The following PDE2A variants were observed in gnomAD, a reference collection of about 807,000 sequenced individuals.
The protein encoded by PDE2A is phosphodiesterase 2A.
A neutral mutation model predicts 133.6 loss-of-function variants in PDE2A; 53 were observed. The observed-to-expected ratio is 0.40, with a 90% CI of 0.32 to 0.50. The LOEUF is 0.50. Ranked by LOEUF, PDE2A falls within the 20% of genes least tolerant of loss-of-function variation. PDE2A has a pLI of 0.73. For missense variants in PDE2A, 796 were observed against 1,232.4 expected, an observed-to-expected ratio of 0.65 and a Z score of 5.30; for synonymous variants, 491 against 490.2, an observed-to-expected ratio of 1.00 and a Z score of -0.02.
At chr11:72,648,511 G>A (rs1859189478) in intron 1 of PDE2A, among the ~76,000 whole-genome samples, 1 of 152,124 alleles carries the variant, frequency 6.6e-6, no homozygotes, top group African/African-American at 2.4e-5. Flanking sequence ...CAGGCCCAGG[G>A]GATGGGGGCT....
intron 4 of PDE2A, among the ~76,000 whole-genome samples, chr11:72,598,313 AC>A (rs1856579378): frequency 1.3e-5 from 2 of 152,172 alleles, no homozygotes; most frequent in Admixed American, 1.3e-4. Flanking sequence ...CTATGCTGGA[AC>A]CTTCCCAAAT....
chr11:72,632,814 C>G (rs1366944753), intron 2 of PDE2A, among the ~76,000 whole-genome samples: 1 of 152,072 alleles, frequency 6.6e-6, no homozygotes. Flanking sequence ...GTTCCCTCCC[C>G]CCAGCAGAGG....
intron 2 of PDE2A, among the ~76,000 whole-genome samples, chr11:72,638,183 T>C (rs1858788765): frequency 6.6e-6 from 1 of 152,208 alleles, no homozygotes. Context: ...CGCGCCACCC[T>C]GCTGTGAGAC....
At position 72,631,089 on chromosome 11, in the gene PDE2A, C is replaced by G. The variant is rs1001792595; in HGVS notation, c.144+11165G>C. The G allele has an allele frequency of 9.7e-6, 15 of 1,544,450 alleles. No homozygotes were observed. In the Admixed American group the frequency reaches 1.2e-4, roughly 12 times the overall value. On this transcript the variant is annotated intron_variant, in intron 2 of 30. Transcript: ENST00000334456. ...CACTGAGCTCTCACCTCCAGTCGGT[C>G]GTCTCTACTCCCTGGGGGTCCTGGC...
At chr11:72,624,318 T>C (rs2135402314) in intron 2 of PDE2A, among the ~76,000 whole-genome samples, 1 of 152,322 alleles carries the variant, frequency 6.6e-6, no homozygotes, top group African/African-American at 2.4e-5. Flanking sequence ...TGGACGGTGT[T>C]ACTTTCCCGC....
chr11:72,632,686 G>A lies in PDE2A; in HGVS notation c.144+9568C>T, dbSNP rs562166226. ...GAGTCTTCTTTTCCACCCACAGCCA[G>A]ATGGGCTACCTGCTGAGCAGCCAGG... On this transcript the variant is annotated intron_variant, in intron 2 of 30. Coordinates refer to ENST00000334456, the MANE Select transcript of PDE2A (RefSeq NM_002599.5). Among the ~76,000 whole-genome samples the A allele has an allele frequency of 1.2e-3, 187 of 152,266 alleles. 2 individuals carry two copies. Among genetic ancestry groups the A allele is most frequent in the African/African-American group, 4.4e-3 (182 of 41,540 alleles).
intron 6 of PDE2A, 97 bp from the exon 7 acceptor site, chr11:72,591,453 A>T (rs140024107): frequency 1.2e-6 from 1 of 856,004 alleles, no homozygotes; most frequent in African/African-American, 1.6e-5. Flanking sequence ...GGTCCCCACC[A>T]ACACATACAC....
intron 1 of PDE2A, among the ~76,000 whole-genome samples, chr11:72,653,487 A>G (rs1854804112): frequency 6.6e-6 from 1 of 151,936 alleles, no homozygotes; most frequent in South Asian, 2.1e-4. Context: ...ACTCCCAGGG[A>G]GGGAGAGGGT....
chr11:72,584,417 G>C (rs1855865410), intron 18 of PDE2A, 104 bp from the exon 19 acceptor site: 3 of 1,262,588 alleles, frequency 2.4e-6, no homozygotes, highest in Non-Finnish European at 3.4e-6. Context: ...GGTTACGTAC[G>C]TCCCAGGCAT....
At chr11:72,673,470 G>A (rs140015592) in intron 1 of PDE2A, among the ~76,000 whole-genome samples, 133 of 151,380 alleles carry the variant, frequency 8.8e-4, no homozygotes, top group East Asian at 8.0e-3. Context: ...TCGCCACGGC[G>A]CCCCCCACTC....
intron 20 of PDE2A, 42 bp downstream of exon 20, chr11:72,583,396 G>A (rs426907): frequency 0.29 from 404,397 of 1,384,002 alleles, 60,051 homozygotes; most frequent in South Asian, 0.35. Flanking sequence ...CTGGGTCCCC[G>A]GGGAATCTGG....
intron 1 of PDE2A, among the ~76,000 whole-genome samples, chr11:72,645,407 AG>A (rs779430321): frequency 5.3e-5 from 8 of 152,194 alleles, no homozygotes; most frequent in Admixed American, 1.3e-4. Context: ...ACCCTTCCTG[AG>A]GGGGCAACCA....
At chr11:72,665,749 G>A (rs1015172304) in intron 1 of PDE2A, among the ~76,000 whole-genome samples, 11 of 151,946 alleles carry the variant, frequency 7.2e-5, no homozygotes, top group South Asian at 4.2e-4. Context: ...TGTCTCCCAC[G>A]CAGCCCTTTC....
chr11:72,596,468 TCTCTCTCTCTCTCTCTCACACA>T, intron 6 of PDE2A, 103 bp downstream of exon 6: 2 of 178,234 alleles, frequency 1.1e-5, no homozygotes, highest in Non-Finnish European at 9.8e-6. Context: ...TCTCTCTCTC[TCTCTCTCTCTCTCTCTCACACA>T]CACACACACA....
At chr11:72,663,296 G>A (rs915038914) in intron 1 of PDE2A, among the ~76,000 whole-genome samples, 4 of 152,280 alleles carry the variant, frequency 2.6e-5, no homozygotes, top group South Asian at 4.1e-4. Context: ...GGCACACTGC[G>A]TTCTGAGAAT....
intron 2 of PDE2A, among the ~76,000 whole-genome samples, chr11:72,618,570 C>G (rs1233587591): frequency 6.6e-6 from 1 of 152,210 alleles, no homozygotes; most frequent in Non-Finnish European, 1.5e-5. Flanking sequence ...ACGCACTCCC[C>G]TGAACCCAGA....
At chr11:72,582,859 G>A (rs1385658781) in intron 20 of PDE2A, among the ~76,000 whole-genome samples, 1 of 152,182 alleles carries the variant, frequency 6.6e-6, no homozygotes, top group African/African-American at 2.4e-5. Context: ...TTCATACACA[G>A]TAACTGTAGC....
At chr11:72,601,253 A>C (rs1474379762) in intron 4 of PDE2A, among the ~76,000 whole-genome samples, 4 of 2,962 alleles carry the variant, frequency 1.4e-3, no homozygotes, top group Admixed American at 9.3e-3. Context: ...GGGCCACCCC[A>C]CTCTCACTGA....
intron 12 of PDE2A, 128 bp downstream of exon 12, chr11:72,589,046 TG>T: frequency 8.1e-7 from 1 of 1,236,020 alleles, no homozygotes; most frequent in Non-Finnish European, 1.2e-6. Context: ...GTCATGGAGA[TG>T]GGACAGTAGA....
Sources: gnomAD v4.1 joint callset for allele counts (sites outside exome capture counted in the v4.1 genomes callset) on GRCh38, gnomAD v4.1.1 for gene constraint, MANE v1.5 for transcripts, NCBI Gene and HGNC (gene_info 2026-07-23, HGNC 2026-07-21) for gene names.